CEP192: variants seen among roughly 807,000 people sequenced by gnomAD.
CEP192 encodes the protein centrosomal protein of 192 kDa.
In CEP192, 151 loss-of-function variants were observed where a neutral mutation model predicts 271.8. The observed-to-expected ratio is 0.56, with a 90% confidence interval of 0.49 to 0.64. The LOEUF (loss-of-function observed/expected upper bound fraction) is 0.64, where lower values mean the gene tolerates loss of function less well. Among genes scored for constraint, CEP192 ranks in the 30% least tolerant of loss-of-function variants. The pLI, the probability that CEP192 is intolerant of heterozygous loss-of-function variation, is 0.00. For missense variants in CEP192, 2,910 were observed against 3,020.5 expected (o/e 0.96, Z 0.86); for synonymous variants, 995 against 1,076.5 (o/e 0.92, Z 1.48).
At chr18:13,114,524 T>G (rs1308330227) in intron 42 of CEP192, among the ~76,000 whole-genome samples, 1 of 152,226 alleles carries the variant, frequency 6.6e-6, no homozygotes, top group African/African-American at 2.4e-5. Context: ...CTTCTTTTTC[T>G]CAACATACTA....
chr18:13,024,707 C>T (rs561817218), intron 9 of CEP192, among the ~76,000 whole-genome samples: 29 of 152,026 alleles, frequency 1.9e-4, no homozygotes, highest in Non-Finnish European at 3.4e-4. Context: ...ATGATCCACC[C>T]GCCTTGGCCT....
At chr18:13,044,017 T>G (rs1381133416) in intron 15 of CEP192, among the ~76,000 whole-genome samples, 1 of 152,154 alleles carries the variant, frequency 6.6e-6, no homozygotes, top group Admixed American at 6.5e-5. Flanking sequence ...TCCAATTATA[T>G]ACTCTTAGTT....
At chr18:13,034,736 G>A (rs1325444301) in intron 11 of CEP192, among the ~76,000 whole-genome samples, 1 of 150,318 alleles carries the variant, frequency 6.7e-6, no homozygotes, top group Non-Finnish European at 1.5e-5. Flanking sequence ...GGAGAATGGC[G>A]TGAACCCAGA....
At chr18:13,102,235 A>G (rs1402406652) in intron 38 of CEP192, among the ~76,000 whole-genome samples, 1 of 151,786 alleles carries the variant, frequency 6.6e-6, no homozygotes, top group Non-Finnish European at 1.5e-5. Context: ...TTACACGTGA[A>G]AAATAGACAG....
chr18:13,099,591 A>G lies in CEP192; in HGVS notation c.6663+10A>G. On this transcript the variant is annotated intron_variant, in intron 37 of 44. Transcript: ENST00000506447. Reference sequence around the variant, plus strand: ...TGACGATGGACAGAAGGTACTTTTAAAAGTGGTTTGGTTTTTTTTTTGAGT... The same window carrying G: ...TGACGATGGACAGAAGGTACTTTTAGAAGTGGTTTGGTTTTTTTTTTGAGT... 1 of 1,466,922 alleles carries G rather than the reference A, an allele frequency of 6.8e-7. No individual in the cohort carries two copies. Among genetic ancestry groups the G allele is most frequent in the South Asian group, 1.3e-5 (1 of 79,598 alleles). The allele number at this position is 1,466,922 out of a possible 1,614,324, so 90.9% of individuals were successfully genotyped here.
intron 9 of CEP192, among the ~76,000 whole-genome samples, chr18:13,021,037 A>G (rs2034960835): frequency 1.3e-5 from 2 of 152,090 alleles, no homozygotes; most frequent in South Asian, 4.1e-4. Context: ...CTTTCTTGAT[A>G]TTGTCCTTTC....
chr18:13,034,243 C>T (rs1026962141), intron 11 of CEP192, among the ~76,000 whole-genome samples: 4 of 151,720 alleles, frequency 2.6e-5, no homozygotes, highest in Admixed American at 6.6e-5. Context: ...GAAAGGGAAA[C>T]GGGGAGATGG....
At position 13,017,356 on chromosome 18, in the gene CEP192, A is replaced by G; in HGVS notation, c.789+20A>G. On this transcript the variant is annotated intron_variant, in intron 7 of 44. Transcript: ENST00000506447. Reference sequence around the variant, plus strand: ...AGACAGGTGTGTTCCAGTCTTTATGATTTTTCAGAAATTTGACATTAGAAA... The same window carrying G: ...AGACAGGTGTGTTCCAGTCTTTATGGTTTTTCAGAAATTTGACATTAGAAA... 2 of 1,485,358 alleles carry G rather than the reference A, an allele frequency of 1.3e-6. No individual in the cohort carries two copies. The highest frequency in any genetic ancestry group is 2.5e-5 in the East Asian group (1 of 39,440). 92.0% of individuals were successfully genotyped at this position (1,485,358 alleles called of 1,614,324 possible). A position where few individuals can be genotyped will look rare whatever the true frequency, so the allele number is the denominator to read the frequency against.
At chr18:13,087,455 G>T (rs554403554) in intron 31 of CEP192, 76 bp from the exon 32 acceptor site, 2 of 966,100 alleles carry the variant, frequency 2.1e-6, no homozygotes, top group Admixed American at 5.4e-5. Flanking sequence ...TTTTAGGCTC[G>T]TAAGATTGTT....
intron 1 of CEP192, among the ~76,000 whole-genome samples, chr18:12,997,828 G>A (rs2145766240): frequency 6.6e-6 from 1 of 152,246 alleles, no homozygotes; most frequent in Non-Finnish European, 1.5e-5. Context: ...AGATTTAGGT[G>A]ATTCTCCTGC....
intron 40 of CEP192, among the ~76,000 whole-genome samples, chr18:13,105,550 A>G (rs946221256): frequency 6.6e-6 from 1 of 152,246 alleles, no homozygotes; most frequent in Admixed American, 6.5e-5. Context: ...GGCCTCAGCA[A>G]TATACTTTTT....
At position 13,056,338 on chromosome 18, in the gene CEP192, C is replaced by T. The variant is rs1377230144; in HGVS notation, c.3748C>T (p.Leu1250Phe). ...MQNMPAAVHA[L>F]LTQPSLSAAP... ...GAACATGCCTGCTGCTGTGCACGCA[C>T]TCTTGACACAACCCTCTCTCAGCGC... Residue 1250 changes from leucine to phenylalanine, a missense_variant, in exon 19 of 45, where the codon CTC becomes TTC. Coordinates refer to ENST00000506447, the MANE Select transcript of CEP192 (RefSeq NM_032142.4). 1.2e-6 allele frequency: 2 copies of T among 1,614,226 alleles called. No homozygotes were observed. The highest frequency in any genetic ancestry group is 3.3e-5 in the Admixed American group (2 of 60,034).
At chr18:13,053,626 G>T (rs1019638109) in intron 18 of CEP192, among the ~76,000 whole-genome samples, 2 of 152,292 alleles carry the variant, frequency 1.3e-5, no homozygotes, top group Admixed American at 6.5e-5. Flanking sequence ...AAGGGTGCTG[G>T]GTTTAAAATA....
At chr18:12,997,832 C>T (rs1222214219) in intron 1 of CEP192, among the ~76,000 whole-genome samples, 1 of 152,166 alleles carries the variant, frequency 6.6e-6, no homozygotes, top group Non-Finnish European at 1.5e-5. Flanking sequence ...TTAGGTGATT[C>T]TCCTGCCTTA....
In CEP192 at chr18:13,057,588, G is replaced by T. The variant is rs1353666540; in HGVS notation, c.4112G>T (p.Ser1371Ile). 5.0e-6 allele frequency: 8 copies of T among 1,613,958 alleles called. No homozygotes were observed. Among genetic ancestry groups the T allele is most frequent in the Non-Finnish European group, 6.8e-6 (8 of 1,179,928 alleles). The change falls in exon 20 of 45, where the codon AGT (serine) becomes ATT (isoleucine). Residue 1371 changes from serine (S) to isoleucine (I), a missense_variant. Coordinates refer to ENST00000506447, the MANE Select transcript of CEP192 (RefSeq NM_032142.4). ...ACTGTGCCTTATTCTCACCCAGGGA[G>T]TGTCCGAGTGCCCGAGGAGTTGAAG... ...WDSGVTSGLG[S>I]VRVPEELKLP... is the part of the protein sequence containing the mutation.
chr18:13,058,132 A>C, intron 20 of CEP192: 1 of 152,614 alleles, frequency 6.6e-6, no homozygotes, highest in East Asian at 1.9e-4. Flanking sequence ...TTCATTTGGC[A>C]AGGGAAGTCT....
chr18:13,000,033 G>A (rs1223266324), intron 2 of CEP192, among the ~76,000 whole-genome samples: 1 of 148,136 alleles, frequency 6.8e-6, no homozygotes, highest in African/African-American at 2.5e-5. Context: ...GAAGCCATCA[G>A]GACTTGGGTT....
intron 36 of CEP192, among the ~76,000 whole-genome samples, chr18:13,098,577 C>T (rs1157702250): frequency 9.0e-5 from 13 of 145,118 alleles, no homozygotes; most frequent in South Asian, 2.2e-4. Flanking sequence ...ACATCTCAGA[C>T]GATGGGCGGC....
rs142740497 is a variant in CEP192 at position 13,045,255 on chromosome 18, A to G, written c.2067+2921A>G. ...CTTCATTTCTTTCCTTCTACTTTCT[A>G]TGGATTTAATGTGTTGTTTTTCTAA... is the stretch of plus-strand genomic sequence containing the variant. On this transcript the variant is annotated intron_variant, in intron 15 of 44. Coordinates refer to ENST00000506447, the MANE Select transcript of CEP192 (RefSeq NM_032142.4). Among the ~76,000 whole-genome samples the G allele has an allele frequency of 1.7e-3, 265 of 151,594 alleles. 1 individual carries two copies. The highest frequency in any genetic ancestry group is 6.3e-3 in the African/African-American group (258 of 41,278).
Sources: gnomAD v4.1 joint callset for allele counts (sites outside exome capture counted in the v4.1 genomes callset) on GRCh38, gnomAD v4.1.1 for gene constraint, MANE v1.5 for transcripts, NCBI Gene and HGNC (gene_info 2026-07-23, HGNC 2026-07-21) for gene names.